The following ZNF676 variants were observed in gnomAD, a reference collection of about 807,000 sequenced individuals.
The protein encoded by ZNF676 is zinc finger protein 676.
Under a neutral mutation model 6.0 loss-of-function variants are expected in ZNF676, and 4 were observed. That is an observed-to-expected ratio of 0.67 (90% CI 0.33 to 1.53). The LOEUF is 1.53. ZNF676 is among the 40% of genes most tolerant of loss of function. The probability of loss-of-function intolerance (pLI) is 0.06; values close to 1 mark genes in which losing one functional copy is unlikely to be tolerated. For synonymous variants in ZNF676, 198 were observed against 223.1 expected (o/e 0.89, Z 1.00); for missense variants, 644 against 679.7 (o/e 0.95, Z 0.58).
chr19:22,243,474 A>G, the ZNF676 span: 1 of 152,004 alleles, frequency 6.6e-6, no homozygotes, highest in South Asian at 2.1e-4. Context: ...TGGTGCATAG[A>G]TATGTTACAG....
At chr19:22,256,624 A>G in the ZNF676 span, among the ~76,000 whole-genome samples, 3 of 152,132 alleles carry the variant, frequency 2.0e-5, no homozygotes, top group African/African-American at 7.2e-5. Flanking sequence ...AGCAGGACGC[A>G]TGCATGTGCC....
At chr19:22,259,473 T>C in the ZNF676 span, among the ~76,000 whole-genome samples, 1 of 152,124 alleles carries the variant, frequency 6.6e-6, no homozygotes, top group Admixed American at 6.6e-5. Context: ...CCCAAAAATA[T>C]GTAACGATGA....
At chr19:22,206,860 A>G (rs2024081748) in intron 1 of ZNF676, among the ~76,000 whole-genome samples, 2 of 152,218 alleles carry the variant, frequency 1.3e-5, no homozygotes, top group South Asian at 2.1e-4. Context: ...AGATTATCTC[A>G]ATAGATGCAC....
At chr19:22,207,011 T>G (rs559707096) in intron 1 of ZNF676, among the ~76,000 whole-genome samples, 1 of 152,266 alleles carries the variant, frequency 6.6e-6, no homozygotes, top group South Asian at 2.1e-4. Flanking sequence ...CCTGGAAGCA[T>G]TCCTTCTTGA....
rs550042173 is a variant in ZNF676 at position 22,180,667 on chromosome 19, T to G, written c.1050A>C (p.Ser350=). 1 of 1,611,980 alleles carries G rather than the reference T, an allele frequency of 6.2e-7. No homozygotes were observed. The highest frequency in any genetic ancestry group is 1.7e-5 in the Admixed American group (1 of 59,888). Reference sequence around the variant, plus strand: ...GAATAATCTTATGTTTAGTAAGGATTGAGGATCGATTAAAAGCTTTCCCGC... The same window carrying G: ...GAATAATCTTATGTTTAGTAAGGATGGAGGATCGATTAAAAGCTTTCCCGC... ...EECGKAFNRS[S]ILTKHKIIHT... is the part of the protein sequence containing the mutation. The change falls in exon 3 of 3, where the codon TCA becomes TCC. Residue 350 remains serine, a synonymous_variant. Transcript: ENST00000397121.
chr19:22,228,580 T>C, the ZNF676 span, among the ~76,000 whole-genome samples: 1 of 152,190 alleles, frequency 6.6e-6, no homozygotes, highest in African/African-American at 2.4e-5. Context: ...TGTTTGCAGA[T>C]GACATGATTG....
chr19:22,235,053 G>C, the ZNF676 span, among the ~76,000 whole-genome samples: 10 of 146,424 alleles, frequency 6.8e-5, no homozygotes, highest in African/African-American at 2.4e-4. Context: ...AAGGAAGGCA[G>C]AAAGGCAGGA....
At chr19:22,216,368 G>A (rs1383827636), upstream of ZNF676, among the ~76,000 whole-genome samples, 1 of 152,084 alleles carries the variant, frequency 6.6e-6, no homozygotes, top group Non-Finnish European at 1.5e-5. Flanking sequence ...CCGGGAGGTG[G>A]AGATTGCAGT....
At chr19:22,252,830 T>C in the ZNF676 span, among the ~76,000 whole-genome samples, 5 of 152,234 alleles carry the variant, frequency 3.3e-5, no homozygotes, top group Admixed American at 3.3e-4. Context: ...TGCAGAAAGA[T>C]GTCACTACCC....
At chr19:22,235,121 C>CAGAA in the ZNF676 span, among the ~76,000 whole-genome samples, 5,431 of 131,848 alleles carry the variant, frequency 0.041, 604 homozygotes, top group African/African-American at 0.15. Flanking sequence ...GGCAGGAAGG[C>CAGAA]AGGAAGGAAG....
intron 2 of ZNF676, among the ~76,000 whole-genome samples, chr19:22,185,697 T>C (rs79706549): frequency 0.044 from 6,734 of 152,168 alleles, 494 homozygotes; most frequent in African/African-American, 0.15. Context: ...AATGACCTGA[T>C]GGAGATGAAA....
intron 1 of ZNF676, among the ~76,000 whole-genome samples, chr19:22,208,493 C>T (rs2024097785): frequency 6.6e-6 from 1 of 152,148 alleles, no homozygotes; most frequent in Admixed American, 6.5e-5. Context: ...AATAAAATTA[C>T]CATTTGACCC....
chr19:22,243,539 C>T, the ZNF676 span: 2 of 152,024 alleles, frequency 1.3e-5, no homozygotes, highest in Admixed American at 6.5e-5. Flanking sequence ...GTATCAGACT[C>T]AGCAACATGT....
chr19:22,240,042 C>G, the ZNF676 span, among the ~76,000 whole-genome samples: 1 of 152,210 alleles, frequency 6.6e-6, no homozygotes, highest in Non-Finnish European at 1.5e-5. Flanking sequence ...AGATATATGT[C>G]ATAATCACTG....
At chr19:22,257,192 T>A in the ZNF676 span, among the ~76,000 whole-genome samples, 1 of 152,132 alleles carries the variant, frequency 6.6e-6, no homozygotes, top group African/African-American at 2.4e-5. Context: ...GTCACAGTGC[T>A]TCCCAGTGGA....
Position 22,181,113 on chromosome 19 carries a change from A to G in ZNF676, c.604T>C (p.Cys202Arg). The G allele has an allele frequency of 6.2e-7, 1 of 1,613,726 alleles. No homozygotes were observed. The highest frequency in any genetic ancestry group is 8.5e-7 in the Non-Finnish European group (1 of 1,179,930). ...TGEKPYKCEE[C>R]GKAFSKFSIL... ...GAGAACTTACTAAAGGCTTTGCCAC[A>G]TTCTTCACATTTGTAGGGTTTCTCT... Residue 202 changes from cysteine (C) to arginine (R), a missense_variant, in exon 3 of 3, where the codon TGT becomes CGT. By Grantham distance (180) the Cys-to-Arg change is radical. This residue lies in a region of ZNF676 where 280 missense variants were observed against 269.3 expected (regional missense o/e 1.04). Transcript: ENST00000397121.
chr19:22,184,271 T>G (rs557135312), intron 2 of ZNF676, among the ~76,000 whole-genome samples: 1 of 152,226 alleles, frequency 6.6e-6, no homozygotes, highest in African/African-American at 2.4e-5. Flanking sequence ...GAACTCCCTC[T>G]CCTAGCCAAA....
upstream of ZNF676, among the ~76,000 whole-genome samples, chr19:22,198,490 C>T (rs547946422): frequency 1.0e-3 from 159 of 152,276 alleles, 1 homozygote; most frequent in African/African-American, 3.7e-3. Context: ...GGACACAGAT[C>T]TTGATCTCAG....
the ZNF676 span, among the ~76,000 whole-genome samples, chr19:22,226,637 T>C: frequency 1.3e-5 from 2 of 150,396 alleles, no homozygotes; most frequent in South Asian, 4.2e-4. Flanking sequence ...CACTCTGTCA[T>C]CCAGGCAGGA....
Sources: gnomAD v4.1 joint callset for allele counts (sites outside exome capture counted in the v4.1 genomes callset) on GRCh38, gnomAD v4.1.1 for gene constraint, gnomAD v4.1.1 regional missense constraint, MANE v1.5 for transcripts, NCBI Gene and HGNC (gene_info 2026-07-23, HGNC 2026-07-21) for gene names.